The following SLC25A20 variants were observed in gnomAD, a reference collection of about 807,000 sequenced individuals.
The protein encoded by SLC25A20 is mitochondrial carnitine/acylcarnitine carrier protein.
In SLC25A20, 29 loss-of-function variants were observed where a neutral mutation model predicts 39.7. That is an observed-to-expected ratio of 0.73 (90% CI 0.54 to 1.00). The LOEUF is 1.00. Among genes scored for constraint, SLC25A20 ranks in the 50% least tolerant of loss-of-function variants. The pLI is 0.00. For missense variants in SLC25A20, 333 were observed against 379.9 expected (o/e 0.88, Z 1.03); for synonymous variants, 103 against 142.2 (o/e 0.72, Z 1.96).
chr3:48,871,982 ATT>A (rs71077746), intron 4 of SLC25A20, among the ~76,000 whole-genome samples: 3 of 56,668 alleles, frequency 5.3e-5, no homozygotes, highest in African/African-American at 2.0e-4. Context: ...TGCCCAGCTA[ATT>A]TTTTTTTTTT....
At chr3:48,883,916 G>A (rs1192029907) in intron 3 of SLC25A20, 81 bp downstream of exon 3, 23 of 1,552,546 alleles carry the variant, frequency 1.5e-5, no homozygotes, top group Admixed American at 3.6e-5. Flanking sequence ...GAGCCACCGC[G>A]CCCTGCCCAA....
In SLC25A20 at chr3:48,884,116, C is replaced by T. The variant is rs1397470610; in HGVS notation, c.207G>A (p.Thr69=). The part of the protein sequence containing the change: ...FRKTLFREGI[T]GLYRGMAAPI... ...GGGCAGCCATTCCCCGATATAGCCC[C>T]GTGATGCCCTGCAAGGAATCACAGA... The change falls in exon 3 of 9, where the codon ACG becomes ACA. Residue 69 remains threonine (T), a synonymous_variant. Coordinates refer to ENST00000319017, the MANE Select transcript of SLC25A20 (RefSeq NM_000387.6). 5 of 1,613,392 alleles carry T rather than the reference C, an allele frequency of 3.1e-6. No homozygotes were observed. The highest frequency in any genetic ancestry group is 1.3e-5 in the African/African-American group (1 of 75,034).
At chr3:48,895,647 C>A in intron 1 of SLC25A20, 1 of 279,050 alleles carries the variant, frequency 3.6e-6, no homozygotes, top group Non-Finnish European at 7.4e-6. Flanking sequence ...TTGTATTTGT[C>A]AGGGCCTTCC....
chr3:48,895,255 G>A (rs1010802964), intron 1 of SLC25A20, among the ~76,000 whole-genome samples: 4 of 152,208 alleles, frequency 2.6e-5, no homozygotes, highest in African/African-American at 9.6e-5. Flanking sequence ...TGATCTGCCC[G>A]CCTCAGCCTC....
intron 1 of SLC25A20, among the ~76,000 whole-genome samples, chr3:48,898,360 A>G (rs948702849): frequency 2.0e-5 from 3 of 152,234 alleles, no homozygotes; most frequent in African/African-American, 7.2e-5. Flanking sequence ...CGATAATATT[A>G]GTGTTGGCTG....
intron 4 of SLC25A20, among the ~76,000 whole-genome samples, chr3:48,878,603 C>A (rs2083779269): frequency 6.6e-6 from 1 of 151,790 alleles, no homozygotes; most frequent in Admixed American, 6.6e-5. Context: ...AGTTCAAGAC[C>A]AGCCTGACCA....
At chr3:48,873,605 C>T (rs1447371320) in intron 4 of SLC25A20, among the ~76,000 whole-genome samples, 1 of 149,206 alleles carries the variant, frequency 6.7e-6, no homozygotes, top group Non-Finnish European at 1.5e-5. Context: ...TGAGATAATG[C>T]CTTAAAAAAA....
intron 5 of SLC25A20, among the ~76,000 whole-genome samples, chr3:48,861,776 C>T (rs1003582138): frequency 2.7e-5 from 4 of 149,222 alleles, no homozygotes; most frequent in Admixed American, 6.7e-5. Flanking sequence ...CCAGTAATCC[C>T]GGCACCTTGG....
chr3:48,865,214 G>T (rs757829599), intron 4 of SLC25A20, among the ~76,000 whole-genome samples: 1 of 151,280 alleles, frequency 6.6e-6, no homozygotes, highest in Non-Finnish European at 1.5e-5. Flanking sequence ...TGCAACCTCC[G>T]CCTCCTGGGT....
intron 2 of SLC25A20, among the ~76,000 whole-genome samples, chr3:48,891,343 G>C (rs969885547): frequency 3.9e-5 from 6 of 152,130 alleles, no homozygotes; most frequent in Non-Finnish European, 8.8e-5. Context: ...CCAAAGTGCT[G>C]GGATTATAGG....
At chr3:48,894,038 G>A (rs1160134387) in intron 1 of SLC25A20, among the ~76,000 whole-genome samples, 1 of 150,608 alleles carries the variant, frequency 6.6e-6, no homozygotes, top group African/African-American at 2.4e-5. Context: ...GCACGCACCT[G>A]TAATCCCAGC....
Position 48,857,549 on chromosome 3 carries a change from A to G in SLC25A20, c.*161T>C. 1 of 685,274 alleles carries G rather than the reference A, an allele frequency of 1.5e-6. No individual in the cohort carries two copies. Among genetic ancestry groups the G allele is most frequent in the Non-Finnish European group, 2.7e-6 (1 of 371,454 alleles). 42.4% of individuals were successfully genotyped at this position (685,274 alleles called of 1,614,324 possible). A position where few individuals can be genotyped will look rare whatever the true frequency, so the allele number is the denominator to read the frequency against. ...TGACACACTAAGTTATACACGGTGC[A>G]GGATGTCATTAAGGCAACAGTCTCA... On this transcript the variant is annotated 3_prime_UTR_variant, in exon 9 of 9. Coordinates refer to ENST00000319017, the MANE Select transcript of SLC25A20 (RefSeq NM_000387.6).
chr3:48,884,227 C>T, intron 2 of SLC25A20, 103 bp from the exon 3 acceptor site: 1 of 1,450,350 alleles, frequency 6.9e-7, no homozygotes, highest in East Asian at 2.3e-5. Flanking sequence ...CTTCCTTCAC[C>T]TCTTCTTGAA....
chr3:48,894,065 G>A (rs2083895887), intron 1 of SLC25A20, among the ~76,000 whole-genome samples: 1 of 150,342 alleles, frequency 6.7e-6, no homozygotes, highest in Non-Finnish European at 1.5e-5. Context: ...GGAGGCTGAG[G>A]CAGGAGAATT....
At chr3:48,897,076 CTTTT>C (rs11390016) in intron 1 of SLC25A20, among the ~76,000 whole-genome samples, 4 of 129,592 alleles carry the variant, frequency 3.1e-5, no homozygotes, top group African/African-American at 8.6e-5. Flanking sequence ...TCTTCTTCTC[CTTTT>C]TTTTTTTTTT....
intron 4 of SLC25A20, among the ~76,000 whole-genome samples, chr3:48,864,600 C>CA (rs1299968823): frequency 6.7e-6 from 1 of 149,862 alleles, no homozygotes; most frequent in African/African-American, 2.5e-5. Context: ...AGTATCCAGA[C>CA]ATATGTACCT....
intron 1 of SLC25A20, among the ~76,000 whole-genome samples, chr3:48,892,543 G>A (rs1030722457): frequency 1.3e-5 from 2 of 152,084 alleles, no homozygotes; most frequent in Non-Finnish European, 2.9e-5. Flanking sequence ...ATCTGTAGTC[G>A]GCAAGTTTGA....
chr3:48,874,215 C>T (rs915329827), intron 4 of SLC25A20, among the ~76,000 whole-genome samples: 1 of 151,946 alleles, frequency 6.6e-6, no homozygotes, highest in African/African-American at 2.4e-5. Flanking sequence ...TCGCTTGAAC[C>T]CAGGAGGAGG....
rs775097672 is a variant in SLC25A20, at chr3:48,857,666, G to C, written c.*44C>G. Reference sequence around the variant, plus strand: ...CTGCTTACTACTCCTTCTCCTCAACGACAGCTTCCAGCATCCAGAAGTGAA... The same window carrying C: ...CTGCTTACTACTCCTTCTCCTCAACCACAGCTTCCAGCATCCAGAAGTGAA... On this transcript the variant is annotated 3_prime_UTR_variant, in exon 9 of 9. Transcript: ENST00000319017. 1 of 1,590,398 alleles carries C rather than the reference G, an allele frequency of 6.3e-7. No homozygotes were observed. The highest frequency in any genetic ancestry group is 1.3e-5 in the African/African-American group (1 of 74,342).
Sources: gnomAD v4.1 joint callset for allele counts (sites outside exome capture counted in the v4.1 genomes callset) on GRCh38, gnomAD v4.1.1 for gene constraint, MANE v1.5 for transcripts, NCBI Gene and HGNC (gene_info 2026-07-23, HGNC 2026-07-21) for gene names.